Variants in FBXW4 observed in about 807,000 individuals in gnomAD.
The protein encoded by FBXW4 is F-box/WD repeat-containing protein 4.
Under a neutral mutation model 61.8 loss-of-function variants are expected in FBXW4, and 40 were observed. The ratio of observed to expected loss-of-function variants is 0.65; its 90% CI spans 0.50 to 0.84. FBXW4 has a LOEUF of 0.84. Ranked by LOEUF, FBXW4 falls within the 40% of genes least tolerant of loss-of-function variation. The pLI, the probability that FBXW4 is intolerant of heterozygous loss-of-function variation, is 0.00. For missense variants in FBXW4, 672 were observed against 753.8 expected, an observed-to-expected ratio of 0.89 and a Z score of 1.27; for synonymous variants, 311 against 313.8, an observed-to-expected ratio of 0.99 and a Z score of 0.10.
At chr10:101,667,123 C>T (rs569393808) in intron 5 of FBXW4, among the ~76,000 whole-genome samples, 7 of 150,310 alleles carry the variant, frequency 4.7e-5, no homozygotes, top group Non-Finnish European at 1.0e-4. Flanking sequence ...CCCAGCTACT[C>T]GGGAGGCTGA....
intron 5 of FBXW4, among the ~76,000 whole-genome samples, chr10:101,633,126 T>C (rs1341004506): frequency 1.3e-5 from 2 of 152,220 alleles, no homozygotes; most frequent in East Asian, 1.9e-4. Flanking sequence ...GAAATAGTAA[T>C]AGTACCTAGG....
At chr10:101,633,558 G>A (rs907099385) in intron 5 of FBXW4, among the ~76,000 whole-genome samples, 1 of 151,938 alleles carries the variant, frequency 6.6e-6, no homozygotes, top group South Asian at 2.1e-4. Context: ...TAACAAACCC[G>A]CACGTTCTGT....
intron 5 of FBXW4, among the ~76,000 whole-genome samples, chr10:101,652,883 C>T (rs879577884): frequency 6.6e-6 from 1 of 152,184 alleles, no homozygotes; most frequent in East Asian, 1.9e-4. Flanking sequence ...TCTGATTGGA[C>T]ATGTTGGCTC....
intron 5 of FBXW4, among the ~76,000 whole-genome samples, chr10:101,653,174 AT>A (rs1462113937): frequency 1.3e-5 from 2 of 151,910 alleles, no homozygotes; most frequent in African/African-American, 2.4e-5. Flanking sequence ...CTGACTACTG[AT>A]TTTTTCCTAC....
intron 1 of FBXW4, among the ~76,000 whole-genome samples, chr10:101,681,398 A>AATAAT (rs199519506): frequency 5.3e-4 from 72 of 136,090 alleles, no homozygotes; most frequent in Middle Eastern, 4.0e-3. Context: ...CAAAAAAAAA[A>AATAAT]AATAATAATA....
chr10:101,652,128 T>G (rs1254847495), intron 5 of FBXW4, among the ~76,000 whole-genome samples: 1 of 151,682 alleles, frequency 6.6e-6, no homozygotes, highest in Non-Finnish European at 1.5e-5. Flanking sequence ...CACTCCGCCC[T>G]CCTCACCACC....
intron 2 of FBXW4, among the ~76,000 whole-genome samples, chr10:101,674,689 C>T (rs1056091895): frequency 3.3e-5 from 5 of 152,214 alleles, no homozygotes; most frequent in Non-Finnish European, 4.4e-5. Context: ...CATTCTGCTA[C>T]AGTTCAGGGG....
chr10:101,637,423 A>G (rs923241054), intron 5 of FBXW4, among the ~76,000 whole-genome samples: 3 of 146,114 alleles, frequency 2.1e-5, no homozygotes, highest in African/African-American at 7.6e-5. Context: ...AAAAGCCACC[A>G]TGAGCCAGGC....
At chr10:101,667,833 AATAAAAGCATTATT>A in intron 5 of FBXW4, 39 bp downstream of exon 5, 1 of 1,477,888 alleles carries the variant, frequency 6.8e-7, no homozygotes, top group Non-Finnish European at 9.5e-7. Context: ...GATCTAGTAA[AATAAAAGCATTATT>A]ATACAGGACA....
At chr10:101,653,328 T>A (rs761887989) in intron 5 of FBXW4, among the ~76,000 whole-genome samples, 1 of 152,206 alleles carries the variant, frequency 6.6e-6, no homozygotes, top group Non-Finnish European at 1.5e-5. Context: ...ATAAACCATT[T>A]AACTGCTTCA....
At chr10:101,630,791 G>C (rs1332755297) in intron 5 of FBXW4, among the ~76,000 whole-genome samples, 1 of 152,190 alleles carries the variant, frequency 6.6e-6, no homozygotes, top group East Asian at 1.9e-4. Flanking sequence ...GGTCACCAAA[G>C]GGATAAGGAA....
chr10:101,671,873 G>A (rs1397026543), intron 4 of FBXW4, among the ~76,000 whole-genome samples: 2 of 152,208 alleles, frequency 1.3e-5, no homozygotes, highest in Non-Finnish European at 2.9e-5. Flanking sequence ...TCCTGTGCTG[G>A]TGTGAGTACA....
At chr10:101,676,573 T>A in intron 1 of FBXW4, 137 bp from the exon 2 acceptor site, 2 of 619,878 alleles carry the variant, frequency 3.2e-6, no homozygotes, top group Non-Finnish European at 5.6e-6. Context: ...AAGGAGTAAC[T>A]GTTCTCTCTC....
In FBXW4 at chr10:101,612,338, G is replaced by A. The variant is rs769301181; in HGVS notation, c.1441C>T (p.Arg481Trp). Reference protein sequence around the residue: ...VRYWDLRTSVRKCVMEWEEPH... With the variant: ...VRYWDLRTSVWKCVMEWEEPH... ...GTCCTCCCTGCCCAGCACACTCACC[G>A]GACGCTGGTGCGGAGGTCCCAGTAG... Residue 481 changes from arginine to tryptophan, a missense_variant and splice_region_variant, in exon 7 of 9, where the codon CGG (arginine) becomes TGG (tryptophan). Transcript: ENST00000331272. 3 of 1,561,802 alleles carry A rather than the reference G, an allele frequency of 1.9e-6. No individual in the cohort carries two copies. The highest frequency in any genetic ancestry group is 1.2e-5 in the South Asian group (1 of 80,978).
chr10:101,625,640 G>C (rs545113570), intron 5 of FBXW4: 2 of 152,402 alleles, frequency 1.3e-5, no homozygotes, highest in African/African-American at 4.8e-5. Flanking sequence ...GGCCAGGCTG[G>C]CTGTAGTGCT....
chr10:101,677,479 C>T (rs1286800389), intron 1 of FBXW4, among the ~76,000 whole-genome samples: 1 of 152,038 alleles, frequency 6.6e-6, no homozygotes, highest in Non-Finnish European at 1.5e-5. Context: ...AGACAACTAA[C>T]CTATGATGAA....
chr10:101,624,734 G>T lies in FBXW4; in HGVS notation c.1301+11C>A. ...GGACTGGAAGCCAGCATGGGCTCAT[G>T]AATCTCTTACCTGTTGAGGTCCCAG... On this transcript the variant is annotated intron_variant, in intron 6 of 8. Coordinates refer to ENST00000331272, the MANE Select transcript of FBXW4 (RefSeq NM_022039.4). 2.5e-6 allele frequency: 4 copies of T among 1,614,130 alleles called. No homozygotes were observed. Among genetic ancestry groups the T allele is most frequent in the Non-Finnish European group, 3.4e-6 (4 of 1,179,978 alleles).
intron 5 of FBXW4, among the ~76,000 whole-genome samples, chr10:101,663,345 G>A (rs1327391023): frequency 6.6e-6 from 1 of 152,242 alleles, no homozygotes; most frequent in African/African-American, 2.4e-5. Flanking sequence ...TACACAAGGA[G>A]TGAGGTGAAA....
intron 1 of FBXW4, among the ~76,000 whole-genome samples, chr10:101,684,375 C>T (rs1365908867): frequency 6.6e-6 from 1 of 152,228 alleles, no homozygotes; most frequent in African/African-American, 2.4e-5. Flanking sequence ...ATCCACCCGC[C>T]TTAGCCTCCC....
Sources: allele counts gnomAD v4.1 joint callset (sites outside exome capture counted in the v4.1 genomes callset), GRCh38; gene constraint gnomAD v4.1.1; transcripts MANE v1.5; gene names NCBI Gene and HGNC (gene_info 2026-07-23, HGNC 2026-07-21).